GRB10: variants seen among roughly 807,000 people sequenced by gnomAD.
The protein encoded by GRB10 is growth factor receptor bound protein 10, also known as growth factor receptor-bound protein 10.
Under a neutral mutation model 80.9 loss-of-function variants are expected in GRB10, and 20 were observed. The observed-to-expected ratio is 0.25, with a 90% CI of 0.17 to 0.36. The LOEUF (loss-of-function observed/expected upper bound fraction) is 0.36. GRB10 is among the 10% of genes least tolerant of loss of function. GRB10 has a pLI of 1.00. For missense variants in GRB10, 548 were observed against 747.7 expected, an observed-to-expected ratio of 0.73 and a Z score of 3.12; for synonymous variants, 291 against 291.5, an observed-to-expected ratio of 1.00 and a Z score of 0.02.
intron 5 of GRB10, among the ~76,000 whole-genome samples, chr7:50,702,293 G>A (rs1023785138): frequency 1.3e-5 from 2 of 152,226 alleles, no homozygotes; most frequent in African/African-American, 4.8e-5. Context: ...GGCTGGATAC[G>A]GTGGGCCTGG....
At chr7:50,624,881 T>A (rs890154294) in intron 8 of GRB10, among the ~76,000 whole-genome samples, 3 of 152,102 alleles carry the variant, frequency 2.0e-5, no homozygotes, top group Non-Finnish European at 2.9e-5. Context: ...CTTTTTTTTT[T>A]AATCATTTCA....
chr7:50,770,183 G>A (rs1184342549), intron 2 of GRB10, among the ~76,000 whole-genome samples: 1 of 152,158 alleles, frequency 6.6e-6, no homozygotes, highest in Non-Finnish European at 1.5e-5. Context: ...GTTCCATCAA[G>A]GTGGTATGCA....
chr7:50,765,177 G>A (rs1159200683), intron 2 of GRB10, among the ~76,000 whole-genome samples: 1 of 152,182 alleles, frequency 6.6e-6, no homozygotes, highest in Non-Finnish European at 1.5e-5. Flanking sequence ...AATGGATACT[G>A]GGGAGAATGT....
chr7:50,660,101 A>G (rs1586515971), intron 7 of GRB10, among the ~76,000 whole-genome samples: 2 of 152,238 alleles, frequency 1.3e-5, no homozygotes, highest in South Asian at 2.1e-4. Context: ...TCACGTGGCA[A>G]AGGGGTGGGG....
intron 3 of GRB10, among the ~76,000 whole-genome samples, chr7:50,740,730 C>T (rs929793612): frequency 6.6e-6 from 1 of 151,398 alleles, no homozygotes; most frequent in African/African-American, 2.4e-5. Context: ...CACATTCATT[C>T]GAAACCCAAA....
upstream of GRB10, among the ~76,000 whole-genome samples, chr7:50,787,864 C>T (rs2078759777): frequency 6.6e-6 from 1 of 152,228 alleles, no homozygotes; most frequent in Admixed American, 6.5e-5. Flanking sequence ...TGCAGCCTGT[C>T]CTGGGCCAGG....
At chr7:50,667,281 A>C (rs868715442) in intron 7 of GRB10, among the ~76,000 whole-genome samples, 5 of 152,222 alleles carry the variant, frequency 3.3e-5, no homozygotes, top group Middle Eastern at 3.4e-3. Context: ...CCTTCCATAG[A>C]TTTCGTTATG....
intron 7 of GRB10, among the ~76,000 whole-genome samples, chr7:50,636,529 C>T (rs1242920278): frequency 2.0e-5 from 3 of 152,128 alleles, no homozygotes; most frequent in Non-Finnish European, 4.4e-5. Context: ...AAAGGTAATA[C>T]ATCATGATCA....
At chr7:50,660,897 G>A (rs1018679323) in intron 7 of GRB10, among the ~76,000 whole-genome samples, 1 of 152,168 alleles carries the variant, frequency 6.6e-6, no homozygotes, top group Non-Finnish European at 1.5e-5. Context: ...GCACCCCTCA[G>A]GGTCCCCAGC....
intron 5 of GRB10, among the ~76,000 whole-genome samples, chr7:50,676,245 T>C (rs913739914): frequency 6.7e-6 from 1 of 150,038 alleles, no homozygotes; most frequent in African/African-American, 2.4e-5. Flanking sequence ...CTGCTCCTAG[T>C]AGCTCTGGGC....
chr7:50,729,747 G>A (rs1388827826), intron 4 of GRB10, among the ~76,000 whole-genome samples: 5 of 142,280 alleles, frequency 3.5e-5, no homozygotes, highest in Non-Finnish European at 7.6e-5. Flanking sequence ...CAAGGCAGCC[G>A]GCCCTCTCTC....
intron 10 of GRB10, 147 bp from the exon 11 acceptor site, chr7:50,616,494 A>C: frequency 1.3e-6 from 1 of 768,534 alleles, no homozygotes; most frequent in Non-Finnish European, 2.1e-6. Context: ...CAAAGTCTTA[A>C]AATCCCATCT....
chr7:50,776,025 G>A (rs868379511), intron 2 of GRB10, among the ~76,000 whole-genome samples: 2 of 152,078 alleles, frequency 1.3e-5, no homozygotes, highest in East Asian at 3.9e-4. Flanking sequence ...TGATGGGAGG[G>A]GCAGCACTGA....
intron 2 of GRB10, among the ~76,000 whole-genome samples, chr7:50,765,882 G>T (rs1000748602): frequency 6.6e-5 from 10 of 152,148 alleles, no homozygotes; most frequent in Non-Finnish European, 1.0e-4. Flanking sequence ...GGTATATTAA[G>T]TACACTGATT....
chr7:50,655,632 C>T (rs138299595), intron 7 of GRB10, among the ~76,000 whole-genome samples: 1 of 152,358 alleles, frequency 6.6e-6, no homozygotes, highest in East Asian at 1.9e-4. Context: ...GGCTATCCCA[C>T]ACCTCCTCCA....
At chr7:50,678,847 A>G (rs1458177449) in intron 5 of GRB10, among the ~76,000 whole-genome samples, 1 of 152,166 alleles carries the variant, frequency 6.6e-6, no homozygotes, top group Middle Eastern at 3.2e-3. Flanking sequence ...TGGATCAATA[A>G]TCACCCATTT....
chr7:50,784,456 G>A (rs933556845), upstream of GRB10, among the ~76,000 whole-genome samples: 1 of 152,162 alleles, frequency 6.6e-6, no homozygotes, highest in East Asian at 1.9e-4. Flanking sequence ...AGCCTGGATG[G>A]TGAACTCCTT....
In GRB10 at chr7:50,614,759, C is replaced by CT. The variant is rs775080218; in HGVS notation, c.1095+10dup. 8.2e-6 allele frequency: 13 copies of CT among 1,580,960 alleles called. No homozygotes were observed. Among genetic ancestry groups the CT allele is most frequent in the Admixed American group, 1.7e-5 (1 of 59,956 alleles). ...GAGCATGCGCGCCGTCTGTGGACAG[C>CT]TCGTGGGTACCTTTATGCAGAGCCC... On this transcript the variant is annotated intron_variant, in intron 12 of 18. Coordinates refer to ENST00000401949, the MANE Select transcript of GRB10 (RefSeq NM_001350814.2).
intron 2 of GRB10, among the ~76,000 whole-genome samples, chr7:50,764,258 T>A (rs772535110): frequency 4.6e-5 from 7 of 152,196 alleles, no homozygotes; most frequent in Non-Finnish European, 8.8e-5. Context: ...CCTCTCCACA[T>A]GGGTCTATAG....
Sources: allele counts gnomAD v4.1 joint callset (sites outside exome capture counted in the v4.1 genomes callset), GRCh38; gene constraint gnomAD v4.1.1; transcripts MANE v1.5; gene names NCBI Gene and HGNC (gene_info 2026-07-23, HGNC 2026-07-21).